PCDHGB4: variants seen among roughly 807,000 people sequenced by gnomAD.
PCDHGB4 encodes the protein protocadherin gamma-B4.
A neutral mutation model predicts 60.5 loss-of-function variants in PCDHGB4; 38 were observed. The observed-to-expected ratio is 0.63, with a 90% CI of 0.48 to 0.82. PCDHGB4 has a LOEUF of 0.82. Among genes scored for constraint, PCDHGB4 ranks in the 40% least tolerant of loss-of-function variants. The probability of loss-of-function intolerance (pLI) is 0.00; values close to 1 mark genes in which losing one functional copy is unlikely to be tolerated. For missense variants in PCDHGB4, 1,109 were observed against 1,209.6 expected (o/e 0.92, Z 1.23); for synonymous variants, 456 against 509.7 (o/e 0.89, Z 1.42).
intron 1 of PCDHGB4, chr5:141,404,679 A>G: frequency 6.2e-7 from 1 of 1,614,096 alleles, no homozygotes; most frequent in Admixed American, 1.7e-5. Flanking sequence ...ACTGGTGTGG[A>G]GCTGGCACCC....
At chr5:141,428,003 C>T in intron 1 of PCDHGB4, 1 of 1,601,362 alleles carries the variant, frequency 6.2e-7, no homozygotes, top group East Asian at 2.2e-5. Flanking sequence ...CCGCACTCTT[C>T]GATATAGTGC....
At chr5:141,393,224 T>C in intron 1 of PCDHGB4, 1 of 1,613,670 alleles carries the variant, frequency 6.2e-7, no homozygotes, top group South Asian at 1.1e-5. Flanking sequence ...AGGTCGAAGA[T>C]CTAGAAGTAA....
intron 1 of PCDHGB4, chr5:141,427,892 C>A (rs752723370): frequency 9.9e-5 from 155 of 1,567,044 alleles, no homozygotes; most frequent in Non-Finnish European, 1.3e-4. Context: ...ACGACCAGGG[C>A]TCGCCCGCGC....
intron 2 of PCDHGB4, among the ~76,000 whole-genome samples, chr5:141,499,370 AT>A (rs932083472): frequency 2.0e-5 from 3 of 152,170 alleles, no homozygotes. Context: ...TAGCAACTTA[AT>A]TTTTTTCCAC....
Position 141,491,834 on chromosome 5 carries a change from CG to C in PCDHGB4, c.2398-2970del. On this transcript the variant is annotated intron_variant, in intron 1 of 3. Transcript: ENST00000519479. This position sits in a 1 kb window ranked among gnomAD's most constrained non-coding sequence, Gnocchi z 6.9. ...CGCTGGCTGCGCTCCACCCGATTCT[CG>C]GGATCATTGGACCGTTTGCGCGAAA... 1 of 1,473,830 alleles carries C rather than the reference CG, an allele frequency of 6.8e-7. No homozygotes were observed. Among genetic ancestry groups the C allele is most frequent in the Middle Eastern group, 1.8e-4 (1 of 5,590 alleles). The allele number at this position is 1,473,830 out of a possible 1,614,324, so 91.3% of individuals were successfully genotyped here.
chr5:141,403,667 G>T (rs1386561971), intron 1 of PCDHGB4: 8 of 1,613,910 alleles, frequency 5.0e-6, no homozygotes, highest in Non-Finnish European at 6.8e-6. Flanking sequence ...AAATGATAAT[G>T]CCCCGGTTTT....
At chr5:141,395,194 C>T (rs867640127) in intron 1 of PCDHGB4, 2 of 1,613,922 alleles carry the variant, frequency 1.2e-6, no homozygotes, top group Non-Finnish European at 1.7e-6. Context: ...TTGTTAACAT[C>T]CGTAGATTTT....
intron 1 of PCDHGB4, among the ~76,000 whole-genome samples, chr5:141,439,380 G>C (rs1324859898): frequency 6.6e-6 from 1 of 152,158 alleles, no homozygotes; most frequent in East Asian, 1.9e-4. Flanking sequence ...ATAAAAATAA[G>C]TCATCACTTC....
Position 141,432,830 on chromosome 5 carries a change from C to G in PCDHGB4, c.2397+42549C>G, listed in dbSNP as rs780093171. On this transcript the variant is annotated intron_variant, in intron 1 of 3. Coordinates refer to ENST00000519479, the MANE Select transcript of PCDHGB4 (RefSeq NM_003736.4). The surrounding 1 kb of genome is among the most constrained non-coding windows in gnomAD (Gnocchi z 6.0). ...TAACTCTGAAACCTCAGACCTCACT[C>G]TGTACCTGGTGGTAGCGGTGGCCGC... 4 of 1,614,208 alleles carry G rather than the reference C, an allele frequency of 2.5e-6. No individual in the cohort carries two copies. The highest frequency in any genetic ancestry group is 2.2e-5 in the East Asian group (1 of 44,874).
In PCDHGB4 at chr5:141,431,932, C is replaced by A; in HGVS notation, c.2397+41651C>A. 1 of 1,614,172 alleles carries A rather than the reference C, an allele frequency of 6.2e-7. No homozygotes were observed. Among genetic ancestry groups the A allele is most frequent in the Non-Finnish European group, 8.5e-7 (1 of 1,180,002 alleles). The stretch of plus-strand genomic sequence containing the variant: ...TCTGTTTCATCCAAGGAAATCTGCC[C>A]TTTAAATTAGAAAAATCTTACGGAA... On this transcript the variant is annotated intron_variant, in intron 1 of 3. Transcript: ENST00000519479. The surrounding 1 kb of genome is among the most constrained non-coding windows in gnomAD (Gnocchi z 4.8).
chr5:141,451,001 A>G (rs909477017), intron 1 of PCDHGB4, among the ~76,000 whole-genome samples: 1 of 148,266 alleles, frequency 6.7e-6, no homozygotes, highest in African/African-American at 2.5e-5. Context: ...ATTTTTTTGT[A>G]TTTTTTTTAG....
chr5:141,403,073 A>G (rs920382925), intron 1 of PCDHGB4: 4 of 1,614,056 alleles, frequency 2.5e-6, no homozygotes, highest in Non-Finnish European at 3.4e-6. Context: ...AGAGACAGAA[A>G]AGGGCTATAT....
intron 2 of PCDHGB4, among the ~76,000 whole-genome samples, chr5:141,500,614 C>T (rs1300242596): frequency 1.3e-5 from 2 of 152,204 alleles, no homozygotes; most frequent in African/African-American, 4.8e-5. Context: ...TATTCCCAGT[C>T]ATACGGTACA....
intron 1 of PCDHGB4, among the ~76,000 whole-genome samples, chr5:141,466,080 C>A (rs1186062704): frequency 6.6e-6 from 1 of 152,108 alleles, no homozygotes; most frequent in East Asian, 1.9e-4. Flanking sequence ...TGATATCATG[C>A]CACTGCACTC....
chr5:141,510,814 CT>C, intron 3 of PCDHGB4, 132 bp from the exon 4 acceptor site: 1 of 1,544,688 alleles, frequency 6.5e-7, no homozygotes, highest in Non-Finnish European at 8.8e-7. Context: ...TTGGTGACCC[CT>C]ATATTCCCAG....
Position 141,507,461 on chromosome 5 carries a change from G to A in PCDHGB4, c.2545+1980G>A, listed in dbSNP as rs145114393. On this transcript the variant is annotated intron_variant, in intron 3 of 3. Coordinates refer to ENST00000519479, the MANE Select transcript of PCDHGB4 (RefSeq NM_003736.4). ...AGCTGACGGAAGGACAGAGAGAGAG[G>A]TGGCAGGGACTGCTGGCCTCCTGAG... Among the ~76,000 whole-genome samples the A allele has an allele frequency of 3.8e-3, 581 of 152,330 alleles. 5 individuals are homozygous for A. Among genetic ancestry groups the A allele is most frequent in the African/African-American group, 0.012 (485 of 41,570 alleles).
chr5:141,413,045 G>A, intron 1 of PCDHGB4: 1 of 894,362 alleles, frequency 1.1e-6, no homozygotes, highest in South Asian at 1.9e-5. Flanking sequence ...CTGGGCTGCA[G>A]GGAAGCTCAC....
chr5:141,509,719 C>G (rs2099877973), intron 3 of PCDHGB4, among the ~76,000 whole-genome samples: 1 of 152,152 alleles, frequency 6.6e-6, no homozygotes, highest in Non-Finnish European at 1.5e-5. Flanking sequence ...TGTCTGATGT[C>G]ACCTAGCTGT....
chr5:141,428,293 C>T, intron 1 of PCDHGB4: 1 of 716,436 alleles, frequency 1.4e-6, no homozygotes, highest in South Asian at 1.6e-5. Context: ...AGCAAAGCTG[C>T]AGATTTACCT....
Sources: gnomAD v4.1 joint callset for allele counts (sites outside exome capture counted in the v4.1 genomes callset) on GRCh38, gnomAD v4.1.1 for gene constraint, Gnocchi (gnomAD v3.1) non-coding constraint, MANE v1.5 for transcripts, NCBI Gene and HGNC (gene_info 2026-07-23, HGNC 2026-07-21) for gene names.